Variants in BRIP1 observed in about 807,000 individuals in gnomAD.
BRIP1 encodes the protein BRCA1 interacting DNA helicase 1, also known as Fanconi anemia group J protein.
BRIP1 carries 88 observed loss-of-function variants against 119.7 expected under a neutral mutation model. That is an observed-to-expected ratio of 0.74 (90% CI 0.62 to 0.88). The LOEUF is 0.88. Among genes scored for constraint, BRIP1 ranks in the 40% least tolerant of loss-of-function variants. The pLI, the probability that BRIP1 is intolerant of heterozygous loss-of-function variation, is 0.00. For missense variants in BRIP1, 1,259 were observed against 1,455.4 expected (o/e 0.87, Z 2.20); for synonymous variants, 443 against 496.5 (o/e 0.89, Z 1.43).
At chr17:61,820,883 G>A (rs2078310561) in intron 6 of BRIP1, among the ~76,000 whole-genome samples, 1 of 151,864 alleles carries the variant, frequency 6.6e-6, no homozygotes, top group Non-Finnish European at 1.5e-5. Flanking sequence ...CAGGGAAGCG[G>A]AGGTTGCAGT....
At chr17:61,749,623 T>C (rs2144746195) in intron 14 of BRIP1, among the ~76,000 whole-genome samples, 1 of 152,308 alleles carries the variant, frequency 6.6e-6, no homozygotes, top group East Asian at 1.9e-4. Context: ...GATGTTGTGA[T>C]ATTGGAATCC....
rs1409003909 is a variant in BRIP1 at position 61,809,299 on chromosome 17, G to A, written c.628-542C>T. 1.3e-5 allele frequency among the ~76,000 whole-genome samples: 2 copies of A among 152,010 alleles called. No individual in the cohort carries two copies. Among genetic ancestry groups the A allele is most frequent in the African/African-American group, 4.8e-5 (2 of 41,400 alleles). On this transcript the variant is annotated intron_variant, in intron 6 of 19. Coordinates refer to ENST00000259008, the MANE Select transcript of BRIP1 (RefSeq NM_032043.3). The surrounding 1 kb of genome is among the most constrained non-coding windows in gnomAD (Gnocchi z 5.2). Reference sequence around the variant, plus strand: ...AAAGAGAAAATTCTTCTTTAGCAAAGGTACGAAAATAAATGCAAAATATTA... The same window carrying A: ...AAAGAGAAAATTCTTCTTTAGCAAAAGTACGAAAATAAATGCAAAATATTA...
rs1465464502 is a variant in BRIP1, at chr17:61,726,742, CATT to C, written c.2380-10682_2380-10680del. Among the ~76,000 whole-genome samples, 1 of 152,178 alleles carries C rather than the reference CATT, an allele frequency of 6.6e-6. No individual in the cohort carries two copies. The highest frequency in any genetic ancestry group is 2.4e-5 in the African/African-American group (1 of 41,440). Reference sequence around the variant, plus strand: ...AAATTTTCTAAGAAATTTTAGCTAACATTAGCACTCTTTAATATCCTCCATAAT... The same window carrying C: ...AAATTTTCTAAGAAATTTTAGCTAACAGCACTCTTTAATATCCTCCATAAT... On this transcript the variant is annotated intron_variant, in intron 16 of 19. Transcript: ENST00000259008. This position sits in a 1 kb window ranked among gnomAD's most constrained non-coding sequence, Gnocchi z 6.2.
chr17:61,788,513 G>GATACAATTCA (rs2077767297), intron 10 of BRIP1, among the ~76,000 whole-genome samples: 1 of 152,108 alleles, frequency 6.6e-6, no homozygotes, highest in Admixed American at 6.5e-5. Flanking sequence ...AAGGACAGCT[G>GATACAATTCA]ATACAATTCC....
rs1385446102 is a variant in BRIP1 at position 61,827,589 on chromosome 17, C to T, written c.628-18832G>A. On this transcript the variant is annotated intron_variant, in intron 6 of 19. Coordinates refer to ENST00000259008, the MANE Select transcript of BRIP1 (RefSeq NM_032043.3). The surrounding 1 kb of genome is among the most constrained non-coding windows in gnomAD (Gnocchi z 5.8). ...TTAAAAATACAAAAAATTAGCCAGG[C>T]GTGGGGGCACACACCTGTAATCCCA... Among the ~76,000 whole-genome samples the T allele has an allele frequency of 1.3e-5, 2 of 151,886 alleles. No homozygotes were observed. Among genetic ancestry groups the T allele is most frequent in the South Asian group, 2.1e-4 (1 of 4,812 alleles).
At chr17:61,812,108 G>A (rs1446070569) in intron 6 of BRIP1, among the ~76,000 whole-genome samples, 2 of 152,078 alleles carry the variant, frequency 1.3e-5, no homozygotes, top group African/African-American at 4.8e-5. Context: ...GAAAACTAGA[G>A]GAAGGATCCT....
chr17:61,820,716 G>A (rs1168884976), intron 6 of BRIP1, among the ~76,000 whole-genome samples: 4 of 152,148 alleles, frequency 2.6e-5, no homozygotes, highest in Non-Finnish European at 4.4e-5. Context: ...TTGGGAGACC[G>A]AGGGGAGTGG....
rs2145010134 is a variant in BRIP1, at chr17:61,775,145, C to T, written c.2097+1256G>A. Reference sequence around the variant, plus strand: ...ACTCCCTACAAGTTTTATTGTATGACTTAGTATCAAGCTTAATTACTAGTT... The same window carrying T: ...ACTCCCTACAAGTTTTATTGTATGATTTAGTATCAAGCTTAATTACTAGTT... On this transcript the variant is annotated intron_variant, in intron 14 of 19. Coordinates refer to ENST00000259008, the MANE Select transcript of BRIP1 (RefSeq NM_032043.3). The surrounding 1 kb of genome is among the most constrained non-coding windows in gnomAD (Gnocchi z 4.4). Among the ~76,000 whole-genome samples the T allele has an allele frequency of 6.6e-6, 1 of 152,212 alleles. No individual in the cohort carries two copies. Among genetic ancestry groups the T allele is most frequent in the Middle Eastern group, 3.4e-3 (1 of 294 alleles).
chr17:61,859,710 T>C, intron 3 of BRIP1, 86 bp downstream of exon 3: 1 of 864,576 alleles, frequency 1.2e-6, no homozygotes, highest in Non-Finnish European at 2.0e-6. Flanking sequence ...AGCGACAGCA[T>C]GGCTGAACCA....
Position 61,851,787 on chromosome 17 carries a change from G to C in BRIP1, c.380-2531C>G, listed in dbSNP as rs1208654525. ...TATTTTAGATAAGATAGGTAATTTT[G>C]AGCTCTGCATGTCCAGGCAACCAGT... On this transcript the variant is annotated intron_variant, in intron 4 of 19. Transcript: ENST00000259008. The surrounding 1 kb of genome is among the most constrained non-coding windows in gnomAD (Gnocchi z 4.6). Among the ~76,000 whole-genome samples, 1 of 152,028 alleles carries C rather than the reference G, an allele frequency of 6.6e-6. No individual in the cohort carries two copies. The highest frequency in any genetic ancestry group is 1.9e-4 in the East Asian group (1 of 5,192).
chr17:61,680,935 A>G lies in BRIP1; in HGVS notation c.*2361T>C, dbSNP rs1250721672. On this transcript the variant is annotated 3_prime_UTR_variant, in exon 20 of 20. Transcript: ENST00000259008. The stretch of plus-strand genomic sequence containing the variant: ...CCCAAGACTGGGTAATTTATAAAGG[A>G]AAGAGGTTTAATTGACTCACAGTTC... 1.3e-5 allele frequency among the ~76,000 whole-genome samples: 2 copies of G among 152,200 alleles called. No individual in the cohort carries two copies. The highest frequency in any genetic ancestry group is 2.4e-5 in the African/African-American group (1 of 41,458).
rs2078955602 is a variant in BRIP1 at position 61,860,212 on chromosome 17, GA to G, written c.94-306del. On this transcript the variant is annotated intron_variant, in intron 2 of 19. Transcript: ENST00000259008. The surrounding 1 kb of genome is among the most constrained non-coding windows in gnomAD (Gnocchi z 4.1). The stretch of plus-strand genomic sequence containing the variant: ...ATTACTACCTATCAATATATTTGAT[GA>G]AAACTTAATGAAGGATACTGCTAGT... 6.6e-6 allele frequency among the ~76,000 whole-genome samples: 1 copy of G among 152,208 alleles called. No individual in the cohort carries two copies. The highest frequency in any genetic ancestry group is 6.5e-5 in the Admixed American group (1 of 15,284).
chr17:61,787,641 T>A (rs2077751011), intron 10 of BRIP1, among the ~76,000 whole-genome samples: 1 of 151,516 alleles, frequency 6.6e-6, no homozygotes, highest in Non-Finnish European at 1.5e-5. Flanking sequence ...TTCTTTTTTT[T>A]ATTTTATTTT....
intron 4 of BRIP1, among the ~76,000 whole-genome samples, chr17:61,850,104 C>CT (rs144151549): frequency 0.38 from 53,770 of 139,798 alleles, 10,720 homozygotes; most frequent in African/African-American, 0.47. Context: ...TTTTAACCAT[C>CT]TTTTTTTTTT....
chr17:61,731,905 C>A (rs1391168163), intron 16 of BRIP1, among the ~76,000 whole-genome samples: 1 of 112,838 alleles, frequency 8.9e-6, no homozygotes, highest in Non-Finnish European at 2.1e-5. Context: ...GGTGCTCTAG[C>A]CAGATATTAA....
rs1314737582 is a variant in BRIP1 at position 61,690,124 on chromosome 17, T to A, written c.2575+3306A>T. ...AAGGATATTATATCTGGTAAAGCCATCTATCAAAATGAATAGGAGGTAAAA... is the reference window on the plus strand; with the variant it reads ...AAGGATATTATATCTGGTAAAGCCAACTATCAAAATGAATAGGAGGTAAAA... On this transcript the variant is annotated intron_variant, in intron 18 of 19. Transcript: ENST00000259008. The surrounding 1 kb of genome is among the most constrained non-coding windows in gnomAD (Gnocchi z 5.6). 3.3e-5 allele frequency among the ~76,000 whole-genome samples: 5 copies of A among 152,212 alleles called. No homozygotes were observed. Among genetic ancestry groups the A allele is most frequent in the African/African-American group, 1.2e-4 (5 of 41,464 alleles).
chr17:61,810,209 A>G lies in BRIP1; in HGVS notation c.628-1452T>C, dbSNP rs535347091. On this transcript the variant is annotated intron_variant, in intron 6 of 19. Coordinates refer to ENST00000259008, the MANE Select transcript of BRIP1 (RefSeq NM_032043.3). This position sits in a 1 kb window ranked among gnomAD's most constrained non-coding sequence, Gnocchi z 4.7. ...CAGTTCCAAATATCCTGCCTTCTATATTGAATAATTACTTATTCACTAAAA... is the reference window on the plus strand; with the variant it reads ...CAGTTCCAAATATCCTGCCTTCTATGTTGAATAATTACTTATTCACTAAAA... 4.6e-5 allele frequency among the ~76,000 whole-genome samples: 7 copies of G among 152,316 alleles called. No individual in the cohort carries two copies. In the East Asian group the frequency reaches 1.3e-3, roughly 29 times the overall value.
In BRIP1 at chr17:61,816,761, GA is replaced by G. The variant is rs35757036; in HGVS notation, c.628-8005del. 0.79 allele frequency among the ~76,000 whole-genome samples: 120,581 copies of G among 152,092 alleles called. 48,438 individuals are homozygous for G. The highest frequency in any genetic ancestry group is 0.9 in the African/African-American group (37,170 of 41,504). ...GGGTGTTTATAAAAAATAAAAAGGG[GA>G]AAAAGAAGACTCAAACGAGCAAAAT... On this transcript the variant is annotated intron_variant, in intron 6 of 19. Transcript: ENST00000259008. This position sits in a 1 kb window ranked among gnomAD's most constrained non-coding sequence, Gnocchi z 5.0.
In BRIP1 at chr17:61,683,772, GATGTTCAGA is replaced by G; in HGVS notation, c.3265_3273del (p.Ser1089_His1091del). ...TCCAGGGCTTCTTCAGAACAGAGCG[GATGTTCAGA>G]ATGATTTTTTCTAGTAAGGGTGGCA... On this transcript the variant is annotated inframe_deletion, in exon 20 of 20. Transcript: ENST00000259008. The surrounding 1 kb of genome is among the most constrained non-coding windows in gnomAD (Gnocchi z 4.7). 6.2e-7 allele frequency: 1 copy of G among 1,614,174 alleles called. No individual in the cohort carries two copies. The highest frequency in any genetic ancestry group is 1.1e-5 in the South Asian group (1 of 91,082).
Sources: gnomAD v4.1 joint callset for allele counts (sites outside exome capture counted in the v4.1 genomes callset) on GRCh38, gnomAD v4.1.1 for gene constraint, Gnocchi (gnomAD v3.1) non-coding constraint, MANE v1.5 for transcripts, NCBI Gene and HGNC (gene_info 2026-07-23, HGNC 2026-07-21) for gene names.